The following PTPRD variants were observed in gnomAD, a reference collection of about 807,000 sequenced individuals.
The protein encoded by PTPRD is protein tyrosine phosphatase receptor type D, also known as receptor-type tyrosine-protein phosphatase delta.
A neutral mutation model predicts 214.5 loss-of-function variants in PTPRD; 34 were observed. That is an observed-to-expected ratio of 0.16 (90% CI 0.12 to 0.21). PTPRD has a LOEUF of 0.21. Ranked by LOEUF, PTPRD falls within the 10% of genes least tolerant of loss-of-function variation. The probability of loss-of-function intolerance (pLI) is 1.00; values close to 1 mark genes in which losing one functional copy is unlikely to be tolerated. For missense variants in PTPRD, 2,545 were observed against 2,398.7 expected, an observed-to-expected ratio of 1.06 and a Z score of -1.27; for synonymous variants, 1,128 against 845.7, an observed-to-expected ratio of 1.33 and a Z score of -5.79.
At chr9:10,269,502 A>T (rs12553687) in intron 3 of PTPRD, among the ~76,000 whole-genome samples, 1 of 152,152 alleles carries the variant, frequency 6.6e-6, no homozygotes, top group Non-Finnish European at 1.5e-5. Flanking sequence ...CACCTGAGGA[A>T]AGAAAACCCT....
chr9:9,848,868 T>A (rs2060026530), intron 5 of PTPRD, among the ~76,000 whole-genome samples: 2 of 152,052 alleles, frequency 1.3e-5, no homozygotes, highest in Non-Finnish European at 2.9e-5. Context: ...ATCAATTGCC[T>A]CAATAACATA....
At chr9:9,575,959 T>A (rs2088580329) in intron 7 of PTPRD, among the ~76,000 whole-genome samples, 1 of 151,978 alleles carries the variant, frequency 6.6e-6, no homozygotes, top group African/African-American at 2.4e-5. Context: ...AAGAAGAAAT[T>A]AGTAGTACTT....
intron 11 of PTPRD, among the ~76,000 whole-genome samples, chr9:8,929,911 G>GTGTATATATA (rs2098939141): frequency 2.4e-5 from 1 of 42,532 alleles, no homozygotes; most frequent in African/African-American, 5.2e-5. Context: ...GTATATATAT[G>GTGTATATATA]TGTGTGTATA....
intron 8 of PTPRD, among the ~76,000 whole-genome samples, chr9:9,560,019 C>G (rs969957960): frequency 6.6e-6 from 1 of 152,198 alleles, no homozygotes; most frequent in African/African-American, 2.4e-5. Context: ...CCGGTGCCCC[C>G]TCAAGTCGGG....
At chr9:8,648,717 T>C (rs1046343939) in intron 12 of PTPRD, among the ~76,000 whole-genome samples, 7 of 152,210 alleles carry the variant, frequency 4.6e-5, no homozygotes, top group Non-Finnish European at 7.3e-5. Flanking sequence ...TCAGCAGAGA[T>C]GTAGGCAAAT....
In PTPRD at chr9:8,553,007, C is replaced by T. The variant is rs542728267; in HGVS notation, c.353-24228G>A. Among the ~76,000 whole-genome samples the T allele has an allele frequency of 3.3e-5, 5 of 152,250 alleles. No homozygotes were observed. The East Asian group carries it at 9.7e-4, about 29-fold the overall frequency. The stretch of plus-strand genomic sequence containing the variant: ...CTACCCTGCCACATGACCACAGACC[C>T]AAGAGAGAGACAGTATAAATCACTT... On this transcript the variant is annotated intron_variant, in intron 14 of 45. Transcript: ENST00000381196.
intron 5 of PTPRD, among the ~76,000 whole-genome samples, chr9:9,808,907 C>T (rs1263134590): frequency 6.6e-6 from 1 of 151,792 alleles, no homozygotes; most frequent in Non-Finnish European, 1.5e-5. Flanking sequence ...AGCATCTAAG[C>T]CTAATGGTAC....
In PTPRD at chr9:8,500,902, G is replaced by A. The variant is rs61733168; in HGVS notation, c.1980C>T (p.His660=). 2.3e-3 allele frequency: 3,727 copies of A among 1,614,106 alleles called. 10 individuals are homozygous for A. Among genetic ancestry groups the A allele is most frequent in the Non-Finnish European group, 2.6e-3 (3,098 of 1,180,010 alleles). The change falls in exon 24 of 46, where the codon CAC becomes CAT. Residue 660 remains histidine, a synonymous_variant. Coordinates refer to ENST00000381196, the MANE Select transcript of PTPRD (RefSeq NM_002839.4). ...TAVDGEDDKP[H]EILGIPSDTT... Reference sequence around the variant, plus strand: ...TGTCCGAAGGAATTCCCAAAATCTCGTGAGGCTTGTCATCTTCCCCATCCA... The same window carrying A: ...TGTCCGAAGGAATTCCCAAAATCTCATGAGGCTTGTCATCTTCCCCATCCA...
At chr9:9,985,410 C>T (rs1233464032) in intron 4 of PTPRD, among the ~76,000 whole-genome samples, 1 of 152,148 alleles carries the variant, frequency 6.6e-6, no homozygotes, top group Admixed American at 6.5e-5. Context: ...GCCATTACTA[C>T]TCTGCCAGAT....
In PTPRD at chr9:9,982,662, G is replaced by A. The variant is rs114175590; in HGVS notation, c.-471-44052C>T. ...TTATTAGAGGTTATGCAAGAATCCA[G>A]AAGTCAGATCAAGGCTTTCCTATGA... is the stretch of plus-strand genomic sequence containing the variant. On this transcript the variant is annotated intron_variant, in intron 4 of 45. Transcript: ENST00000381196. Among the ~76,000 whole-genome samples the A allele has an allele frequency of 3.0e-3, 449 of 152,070 alleles. 2 individuals carry two copies. Among genetic ancestry groups the A allele is most frequent in the African/African-American group, 0.01 (420 of 41,446 alleles).
chr9:10,536,702 T>C (rs975456756), intron 2 of PTPRD, among the ~76,000 whole-genome samples: 17 of 152,110 alleles, frequency 1.1e-4, no homozygotes, highest in Non-Finnish European at 1.2e-4. Context: ...GCATTGCTTG[T>C]ATAAATACTG....
At chr9:9,782,663 T>C (rs1381669976) in intron 5 of PTPRD, among the ~76,000 whole-genome samples, 1 of 152,154 alleles carries the variant, frequency 6.6e-6, no homozygotes, top group Non-Finnish European at 1.5e-5. Flanking sequence ...TAGCTCTGAG[T>C]TATTTATGTG....
At chr9:9,707,159 C>A (rs1351806704) in intron 7 of PTPRD, among the ~76,000 whole-genome samples, 1 of 152,010 alleles carries the variant, frequency 6.6e-6, no homozygotes, top group African/African-American at 2.4e-5. Flanking sequence ...TTTTGTATAT[C>A]GGTAATATTT....
At chr9:8,704,732 G>C (rs964823457) in intron 12 of PTPRD, among the ~76,000 whole-genome samples, 3 of 148,238 alleles carry the variant, frequency 2.0e-5, no homozygotes, top group Non-Finnish European at 3.0e-5. Flanking sequence ...TCGAAGACCA[G>C]TCTGGCCAAA....
At position 10,189,246 on chromosome 9, in the gene PTPRD, C is replaced by T. The variant is rs910402614; in HGVS notation, c.-545+151717G>A. The stretch of plus-strand genomic sequence containing the variant: ...TGGGGAATTTCACTGTGGGAATTGC[C>T]CTGCTGCCACTTTTAGGGTGACTCC... On this transcript the variant is annotated intron_variant, in intron 3 of 45. Transcript: ENST00000381196. Among the ~76,000 whole-genome samples, 4 of 152,178 alleles carry T rather than the reference C, an allele frequency of 2.6e-5. No individual in the cohort carries two copies. In the South Asian group the frequency reaches 8.3e-4, roughly 32 times the overall value.
intron 3 of PTPRD, among the ~76,000 whole-genome samples, chr9:10,110,768 G>C (rs72694884): frequency 1.8e-4 from 27 of 152,262 alleles, no homozygotes; most frequent in African/African-American, 6.5e-4. Flanking sequence ...CTGGCTAATT[G>C]AGAGAAAAAA....
intron 2 of PTPRD, among the ~76,000 whole-genome samples, chr9:10,372,075 C>A (rs928001868): frequency 6.6e-6 from 1 of 151,466 alleles, no homozygotes; most frequent in African/African-American, 2.4e-5. Context: ...GAAAATGGGG[C>A]CAACACAAAG....
At chr9:10,121,038 ATTAT>A (rs2098770863) in intron 3 of PTPRD, among the ~76,000 whole-genome samples, 2 of 152,168 alleles carry the variant, frequency 1.3e-5, no homozygotes, top group African/African-American at 4.8e-5. Flanking sequence ...GTAGAATTGT[ATTAT>A]GGTTTGTACC....
At chr9:10,376,197 T>C (rs889584082) in intron 2 of PTPRD, among the ~76,000 whole-genome samples, 4 of 151,922 alleles carry the variant, frequency 2.6e-5, no homozygotes, top group Non-Finnish European at 5.9e-5. Context: ...CCAAAATGAA[T>C]GAAGTCATTT....
Sources: gnomAD v4.1 joint callset for allele counts (sites outside exome capture counted in the v4.1 genomes callset) on GRCh38, gnomAD v4.1.1 for gene constraint, MANE v1.5 for transcripts, NCBI Gene and HGNC (gene_info 2026-07-23, HGNC 2026-07-21) for gene names.